The following SPATA6 variants were observed in gnomAD, a reference collection of about 807,000 sequenced individuals.
The protein encoded by SPATA6 is spermatogenesis-associated protein 6.
In SPATA6, 56 loss-of-function variants were observed where a neutral mutation model predicts 65.3. The ratio of observed to expected loss-of-function variants is 0.86; its 90% confidence interval spans 0.69 to 1.07. The LOEUF (loss-of-function observed/expected upper bound fraction) is 1.07. Among genes scored for constraint, SPATA6 ranks in the 50% least tolerant of loss-of-function variants. The pLI is 0.00. For synonymous variants in SPATA6, 199 were observed against 213.2 expected, an observed-to-expected ratio of 0.93 and a Z score of 0.58; for missense variants, 590 against 594.8, an observed-to-expected ratio of 0.99 and a Z score of 0.08.
At chr1:48,278,273 C>T in the SPATA6 span, among the ~76,000 whole-genome samples, 20 of 152,270 alleles carry the variant, frequency 1.3e-4, no homozygotes, top group South Asian at 6.2e-4. Context: ...AAAAGCAGAG[C>T]GCCTCTCCTC....
chr1:48,316,435 G>T (rs990286477), intron 11 of SPATA6, among the ~76,000 whole-genome samples: 1 of 152,118 alleles, frequency 6.6e-6, no homozygotes, highest in Non-Finnish European at 1.5e-5. Flanking sequence ...AATGGGGAAA[G>T]GATTCCCTAT....
chr1:48,369,508 C>T (rs987261990), intron 9 of SPATA6, among the ~76,000 whole-genome samples: 3 of 152,180 alleles, frequency 2.0e-5, no homozygotes, highest in East Asian at 1.9e-4. Flanking sequence ...GCCTGGCTGC[C>T]GCCTTGCAGT....
chr1:48,385,087 T>C (rs1391627172), intron 9 of SPATA6, among the ~76,000 whole-genome samples: 1 of 152,138 alleles, frequency 6.6e-6, no homozygotes, highest in Non-Finnish European at 1.5e-5. Flanking sequence ...TATTCAATAA[T>C]TAATACAAAT....
At chr1:48,371,681 T>C (rs974430804) in intron 9 of SPATA6, among the ~76,000 whole-genome samples, 76 of 152,216 alleles carry the variant, frequency 5.0e-4, no homozygotes, top group African/African-American at 1.6e-3. Context: ...GAAGCTTCAT[T>C]GTCACTGTAA....
At chr1:48,461,185 G>GT (rs1270967962) in intron 1 of SPATA6, among the ~76,000 whole-genome samples, 2 of 152,000 alleles carry the variant, frequency 1.3e-5, no homozygotes, top group African/African-American at 4.8e-5. Context: ...TGATGGGGTT[G>GT]TTTGTTTTTT....
At chr1:48,424,423 C>A (rs1653647438) in intron 3 of SPATA6, among the ~76,000 whole-genome samples, 1 of 152,202 alleles carries the variant, frequency 6.6e-6, no homozygotes, top group Admixed American at 6.5e-5. Context: ...ATCTTAGCTA[C>A]TGTAAACAGT....
chr1:48,321,305 A>G (rs192913497), intron 11 of SPATA6, among the ~76,000 whole-genome samples: 106 of 152,342 alleles, frequency 7.0e-4, no homozygotes, highest in Middle Eastern at 3.4e-3. Flanking sequence ...CCATAAGGAC[A>G]CACACAGACT....
intron 11 of SPATA6, among the ~76,000 whole-genome samples, chr1:48,353,315 TAACA>T (rs1407526846): frequency 6.6e-6 from 1 of 150,500 alleles, no homozygotes; most frequent in East Asian, 2.0e-4. Flanking sequence ...AGGCAAACAA[TAACA>T]AAATAGTTAA....
intron 9 of SPATA6, among the ~76,000 whole-genome samples, chr1:48,360,383 G>A (rs1646778241): frequency 6.6e-6 from 1 of 152,082 alleles, no homozygotes; most frequent in African/African-American, 2.4e-5. Context: ...GGGTGCGATG[G>A]AAAGATTATG....
At chr1:48,400,210 T>G (rs1243114847) in intron 6 of SPATA6, among the ~76,000 whole-genome samples, 1 of 151,892 alleles carries the variant, frequency 6.6e-6, no homozygotes, top group African/African-American at 2.4e-5. Flanking sequence ...TACACACTTT[T>G]AAGCTCCCTT....
At chr1:48,355,615 G>T in intron 11 of SPATA6, 55 bp downstream of exon 11, 2 of 1,248,982 alleles carry the variant, frequency 1.6e-6, no homozygotes, top group Non-Finnish European at 2.3e-6. Context: ...GGCATCTTTG[G>T]TGGTTTTCTT....
rs1284349091 is a variant in SPATA6 at position 48,446,211 on chromosome 1, T to C, written c.238+5341A>G. On this transcript the variant is annotated intron_variant, in intron 3 of 12. Coordinates refer to ENST00000371847, the MANE Select transcript of SPATA6 (RefSeq NM_019073.4). ...TCCCCAGTGTTGAGATCAGACCTTGTTGGAGAGGGTACAGTCTGGGCTCAC... is the reference window on the plus strand; with the variant it reads ...TCCCCAGTGTTGAGATCAGACCTTGCTGGAGAGGGTACAGTCTGGGCTCAC... Among the ~76,000 whole-genome samples the C allele has an allele frequency of 9.2e-5, 14 of 152,226 alleles. No individual in the cohort carries two copies. In the East Asian group the frequency reaches 1.4e-3, roughly 15 times the overall value.
At chr1:48,458,374 A>C (rs1166189867) in intron 1 of SPATA6, among the ~76,000 whole-genome samples, 1 of 152,328 alleles carries the variant, frequency 6.6e-6, no homozygotes, top group African/African-American at 2.4e-5. Context: ...TACGTGCTAC[A>C]ACATGGATGA....
At chr1:48,310,624 G>C (rs968087192) in intron 11 of SPATA6, among the ~76,000 whole-genome samples, 2 of 152,186 alleles carry the variant, frequency 1.3e-5, no homozygotes. Context: ...CCAACAGGAT[G>C]TGTGTACAGT....
the SPATA6 span, among the ~76,000 whole-genome samples, chr1:48,270,798 AAT>A: frequency 6.6e-6 from 1 of 152,000 alleles, no homozygotes; most frequent in Non-Finnish European, 1.5e-5. Context: ...ATTAGAGGAG[AAT>A]ATGTTATCCT....
At chr1:48,284,866 G>A in the SPATA6 span, among the ~76,000 whole-genome samples, 1,084 of 152,178 alleles carry the variant, frequency 7.1e-3, 14 homozygotes, top group African/African-American at 0.025. Flanking sequence ...GGTGTCTGTC[G>A]ACCCCTGCTG....
chr1:48,464,147 A>G (rs530308330), intron 1 of SPATA6, among the ~76,000 whole-genome samples: 1 of 152,204 alleles, frequency 6.6e-6, no homozygotes, highest in South Asian at 2.1e-4. Context: ...TTTTAAGCCA[A>G]AAAAATGGCC....
intron 9 of SPATA6, among the ~76,000 whole-genome samples, chr1:48,366,229 C>T (rs1647006131): frequency 1.3e-5 from 2 of 152,138 alleles, no homozygotes; most frequent in Non-Finnish European, 2.9e-5. Context: ...CATCAATGTT[C>T]ATCAAGGATA....
chr1:48,375,734 C>T (rs1292618663), intron 9 of SPATA6, among the ~76,000 whole-genome samples: 5 of 152,030 alleles, frequency 3.3e-5, no homozygotes, highest in Non-Finnish European at 7.4e-5. Flanking sequence ...AGGTCCATGC[C>T]CCTTCCAAGT....
Sources: allele counts gnomAD v4.1 joint callset (sites outside exome capture counted in the v4.1 genomes callset), GRCh38; gene constraint gnomAD v4.1.1; transcripts MANE v1.5; gene names NCBI Gene and HGNC (gene_info 2026-07-23, HGNC 2026-07-21).